NDUFA12: variants seen among roughly 807,000 people sequenced by gnomAD.
NDUFA12 encodes NADH dehydrogenase [ubiquinone] 1 alpha subcomplex subunit 12.
NDUFA12 carries 17 observed loss-of-function variants against 20.3 expected under a neutral mutation model. The ratio of observed to expected loss-of-function variants is 0.84; its 90% confidence interval spans 0.57 to 1.26. The LOEUF is 1.26. Among genes scored for constraint, NDUFA12 ranks in the 50% most tolerant of loss-of-function variants. NDUFA12 has a pLI of 0.00. For synonymous variants in NDUFA12, 72 were observed against 63.6 expected (o/e 1.13, Z -0.63); for missense variants, 191 against 183.7 (o/e 1.04, Z -0.23).
rs139960287 is a variant in NDUFA12 at position 94,994,953 on chromosome 12, T to C, written c.170-696A>G. On this transcript the variant is annotated intron_variant, in intron 2 of 3. Transcript: ENST00000327772. The stretch of plus-strand genomic sequence containing the variant: ...TTTTATGAGCCTCAGTTTCTTTATC[T>C]AGTAAAAGTGGATGACTATACCTAC... Among the ~76,000 whole-genome samples, 247 of 152,284 alleles carry C rather than the reference T, an allele frequency of 1.6e-3. 4 individuals carry two copies. The East Asian group carries it at 0.021, about 13-fold the overall frequency.
intron 3 of NDUFA12, chr12:94,972,543 A>G: frequency 2.4e-6 from 1 of 423,826 alleles, no homozygotes; most frequent in Non-Finnish European, 4.9e-6. Context: ...TGTAAACACT[A>G]GAGAATATGC....
At chr12:94,986,009 C>T (rs1023628007) in intron 3 of NDUFA12, among the ~76,000 whole-genome samples, 1 of 151,800 alleles carries the variant, frequency 6.6e-6, no homozygotes, top group South Asian at 2.1e-4. Flanking sequence ...CGCTTGAACC[C>T]GGGAGGCAGA....
At chr12:94,990,180 T>A (rs949548519) in intron 3 of NDUFA12, among the ~76,000 whole-genome samples, 1 of 151,900 alleles carries the variant, frequency 6.6e-6, no homozygotes, top group African/African-American at 2.4e-5. Flanking sequence ...TCATGGCACA[T>A]GTTTACCTAT....
At chr12:94,974,759 T>C (rs542653173) in intron 3 of NDUFA12, among the ~76,000 whole-genome samples, 1 of 152,238 alleles carries the variant, frequency 6.6e-6, no homozygotes, top group South Asian at 2.1e-4. Flanking sequence ...AGACAAACAT[T>C]GCATGTTCTC....
At chr12:94,985,825 C>G (rs1252412578) in intron 3 of NDUFA12, among the ~76,000 whole-genome samples, 1 of 152,042 alleles carries the variant, frequency 6.6e-6, no homozygotes, top group Admixed American at 6.6e-5. Context: ...TGGCTCACAC[C>G]TGTAATCCCA....
At chr12:94,991,059 G>T (rs1256126435) in intron 3 of NDUFA12, among the ~76,000 whole-genome samples, 1 of 152,088 alleles carries the variant, frequency 6.6e-6, no homozygotes, top group Non-Finnish European at 1.5e-5. Flanking sequence ...AGAGGTTGGC[G>T]AATCATTTGA....
chr12:94,984,507 G>T (rs12371666), intron 3 of NDUFA12, among the ~76,000 whole-genome samples: 61,366 of 150,710 alleles, frequency 0.41, 13,059 homozygotes, highest in East Asian at 0.58. Context: ...TCCAGCCTGG[G>T]CAGTAAGAGT....
chr12:94,998,120 A>G (rs1303203485), intron 2 of NDUFA12, among the ~76,000 whole-genome samples: 2 of 152,230 alleles, frequency 1.3e-5, no homozygotes, highest in Non-Finnish European at 2.9e-5. Flanking sequence ...GCATATCAAA[A>G]AGATAATAAT....
At chr12:95,001,274 C>T (rs1196451400) in intron 2 of NDUFA12, among the ~76,000 whole-genome samples, 1 of 136,966 alleles carries the variant, frequency 7.3e-6, no homozygotes, top group African/African-American at 2.5e-5. Context: ...CCACTGCCTC[C>T]AGCCTAGGCG....
At chr12:94,985,007 A>C (rs28809557) in intron 3 of NDUFA12, among the ~76,000 whole-genome samples, 2 of 147,244 alleles carry the variant, frequency 1.4e-5, no homozygotes. Flanking sequence ...CATAACATAA[A>C]ATAAGATAAA....
At chr12:94,996,865 G>T in intron 2 of NDUFA12, 1 of 263,926 alleles carries the variant, frequency 3.8e-6, no homozygotes, top group South Asian at 3.7e-5. Context: ...TAATATTATA[G>T]TTTGTAACAA....
At chr12:95,000,312 T>C (rs1280042275) in intron 2 of NDUFA12, among the ~76,000 whole-genome samples, 1 of 152,050 alleles carries the variant, frequency 6.6e-6, no homozygotes, top group African/African-American at 2.4e-5. Context: ...TAAAGGACTT[T>C]GGGGACTCAA....
At chr12:94,990,999 A>G (rs74744545) in intron 3 of NDUFA12, among the ~76,000 whole-genome samples, 2,392 of 152,246 alleles carry the variant, frequency 0.016, 58 homozygotes, top group African/African-American at 0.054. Context: ...AGTGCTCTAG[A>G]AAGGCCAGGT....
intron 3 of NDUFA12, among the ~76,000 whole-genome samples, chr12:94,986,960 A>G (rs140904720): frequency 5.3e-5 from 8 of 152,338 alleles, no homozygotes; most frequent in South Asian, 2.1e-4. Flanking sequence ...GAGTTGATAC[A>G]GATACAAATA....
intron 1 of NDUFA12, among the ~76,000 whole-genome samples, 183 bp downstream of exon 1, chr12:95,003,412 G>A (rs1875135057): frequency 6.6e-6 from 1 of 152,166 alleles, no homozygotes; most frequent in South Asian, 2.1e-4. Context: ...AGATAGCTTC[G>A]GTCTTGTATC....
chr12:94,990,554 C>T (rs1874605552), intron 3 of NDUFA12, among the ~76,000 whole-genome samples: 1 of 152,166 alleles, frequency 6.6e-6, no homozygotes, highest in African/African-American at 2.4e-5. Flanking sequence ...TCCCAAGTAG[C>T]TGGAACTACA....
At chr12:94,986,276 T>C (rs1874438638) in intron 3 of NDUFA12, among the ~76,000 whole-genome samples, 1 of 151,692 alleles carries the variant, frequency 6.6e-6, no homozygotes, top group African/African-American at 2.4e-5. Flanking sequence ...CAGAGTAGAA[T>C]GGTGGTTACC....
At chr12:94,992,427 C>T (rs1298153231) in intron 3 of NDUFA12, among the ~76,000 whole-genome samples, 1 of 152,182 alleles carries the variant, frequency 6.6e-6, no homozygotes, top group African/African-American at 2.4e-5. Context: ...CCTTTCGCTT[C>T]ACCCAGACAG....
chr12:94,987,612 C>A (rs1485874644), intron 3 of NDUFA12, among the ~76,000 whole-genome samples: 2 of 151,780 alleles, frequency 1.3e-5, no homozygotes, highest in South Asian at 2.1e-4. Flanking sequence ...ACCAGCCTGG[C>A]CAACATGATG....
Sources: allele counts gnomAD v4.1 joint callset (sites outside exome capture counted in the v4.1 genomes callset), GRCh38; gene constraint gnomAD v4.1.1; transcripts MANE v1.5; gene names NCBI Gene and HGNC (gene_info 2026-07-23, HGNC 2026-07-21).